Variants in BLNK observed in about 807,000 individuals in gnomAD.
BLNK encodes B-cell linker protein.
In BLNK, 29 loss-of-function variants were observed where a neutral mutation model predicts 73.5. The ratio of observed to expected loss-of-function variants is 0.39; its 90% CI spans 0.29 to 0.54. The LOEUF (loss-of-function observed/expected upper bound fraction) is 0.54. Ranked by LOEUF, BLNK falls within the 20% of genes least tolerant of loss-of-function variation. BLNK has a pLI of 0.61. For synonymous variants in BLNK, 176 were observed against 200.8 expected, an observed-to-expected ratio of 0.88 and a Z score of 1.04; for missense variants, 460 against 562.8, an observed-to-expected ratio of 0.82 and a Z score of 1.85.
At chr10:96,226,654 A>G in intron 5 of BLNK, among the ~76,000 whole-genome samples, 1 of 152,124 alleles carries the variant, frequency 6.6e-6, no homozygotes, top group Non-Finnish European at 1.5e-5. Flanking sequence ...CAGCCTGGCC[A>G]ACATGAGGAA....
intron 16 of BLNK, 83 bp from the exon 17 acceptor site, chr10:96,192,175 C>T: frequency 2.5e-6 from 4 of 1,571,172 alleles, no homozygotes; most frequent in Non-Finnish European, 3.5e-6. Context: ...CTCTCATTCT[C>T]AAGTTAGTAA....
At chr10:96,194,834 G>C (rs1158614629) in intron 16 of BLNK, among the ~76,000 whole-genome samples, 1 of 139,488 alleles carries the variant, frequency 7.2e-6, no homozygotes, top group Admixed American at 7.8e-5. Context: ...GCAGTGGCGC[G>C]ATCTCGACTC....
chr10:96,210,976 C>T (rs1305775752), intron 8 of BLNK, among the ~76,000 whole-genome samples: 7 of 148,250 alleles, frequency 4.7e-5, no homozygotes, highest in African/African-American at 1.8e-4. Context: ...CTCAAGTGAT[C>T]CTCCCCACTA....
intron 13 of BLNK, chr10:96,203,655 T>C (rs781928870): frequency 6.4e-6 from 1 of 155,844 alleles, no homozygotes; most frequent in South Asian, 2.0e-4. Flanking sequence ...TATTTTGTGA[T>C]CTTTAAAATA....
intron 1 of BLNK, among the ~76,000 whole-genome samples, chr10:96,250,824 A>G (rs1843252957): frequency 1.3e-5 from 2 of 152,256 alleles, no homozygotes; most frequent in African/African-American, 4.8e-5. Context: ...TTATAACAAT[A>G]ACAATTATAC....
intron 9 of BLNK, among the ~76,000 whole-genome samples, chr10:96,208,747 T>C (rs1199517019): frequency 6.6e-6 from 1 of 152,244 alleles, no homozygotes; most frequent in Non-Finnish European, 1.5e-5. Context: ...TAAGAATTCC[T>C]GAGCACCTGT....
At chr10:96,207,177 A>G (rs1408727355) in intron 10 of BLNK, 124 bp from the exon 11 acceptor site, 1 of 871,684 alleles carries the variant, frequency 1.1e-6, no homozygotes. Context: ...TATTCTTTCA[A>G]TCACAACAAC....
At chr10:96,222,255 A>G (rs1209112481) in intron 6 of BLNK, among the ~76,000 whole-genome samples, 1 of 152,172 alleles carries the variant, frequency 6.6e-6, no homozygotes, top group African/African-American at 2.4e-5. Context: ...TGCTGCATCT[A>G]TTTTTATTTA....
At chr10:96,217,894 T>C (rs1287759049) in intron 6 of BLNK, among the ~76,000 whole-genome samples, 1 of 152,214 alleles carries the variant, frequency 6.6e-6, no homozygotes, top group Non-Finnish European at 1.5e-5. Flanking sequence ...TAAAGACTCA[T>C]ATCTGTGTTT....
chr10:96,247,455 T>C (rs1843092944), intron 1 of BLNK, among the ~76,000 whole-genome samples: 1 of 152,220 alleles, frequency 6.6e-6, no homozygotes, highest in Admixed American at 6.5e-5. Flanking sequence ...AAAACTTCCA[T>C]TTAAAAGTTA....
chr10:96,243,228 A>G (rs1473765488), intron 2 of BLNK, among the ~76,000 whole-genome samples: 1 of 152,230 alleles, frequency 6.6e-6, no homozygotes, highest in Admixed American at 6.5e-5. Context: ...AGGTTGGGCT[A>G]AAATTATGTT....
In BLNK at chr10:96,208,376, C is replaced by T. The variant is rs1366572734; in HGVS notation, c.747-477G>A. 4.6e-5 allele frequency among the ~76,000 whole-genome samples: 7 copies of T among 152,278 alleles called. No individual in the cohort carries two copies. In the East Asian group the frequency reaches 1.2e-3, roughly 25 times the overall value. On this transcript the variant is annotated intron_variant, in intron 9 of 16. Transcript: ENST00000224337. Reference sequence around the variant, plus strand: ...AGGTGAGGTTGCAGCTGCACTTGCCCACTCCAGCTTCCTCCCTGTCTCTAG... The same window carrying T: ...AGGTGAGGTTGCAGCTGCACTTGCCTACTCCAGCTTCCTCCCTGTCTCTAG...
chr10:96,233,911 G>A (rs1554904594), intron 3 of BLNK, among the ~76,000 whole-genome samples: 1 of 152,234 alleles, frequency 6.6e-6, no homozygotes, highest in Non-Finnish European at 1.5e-5. Context: ...CATTAGGATA[G>A]CAACAATAGA....
chr10:96,210,089 C>T (rs1279900043), intron 8 of BLNK, 182 bp from the exon 9 acceptor site: 2 of 684,518 alleles, frequency 2.9e-6, no homozygotes, highest in Non-Finnish European at 5.3e-6. Context: ...GGTGATGACA[C>T]ATTTTAAAAG....
intron 3 of BLNK, chr10:96,239,281 T>G: frequency 2.5e-6 from 1 of 397,178 alleles, no homozygotes; most frequent in East Asian, 3.6e-5. Context: ...GCCCCAGAGA[T>G]CTGTGTTTCT....
chr10:96,236,448 A>G (rs1301666387), intron 3 of BLNK, among the ~76,000 whole-genome samples: 1 of 152,172 alleles, frequency 6.6e-6, no homozygotes, highest in East Asian at 1.9e-4. Flanking sequence ...AAGAGGAGAA[A>G]GGGACATGAT....
At position 96,190,323 on chromosome 10, in the gene BLNK, T is replaced by C. The variant is rs1332000519; in HGVS notation, c.*1650A>G. ...GATGGAATCACGCCAGTAGTATTGT[T>C]CCTGTGTGTCTCTTCATATAGTCTT... On this transcript the variant is annotated 3_prime_UTR_variant, in exon 17 of 17. Coordinates refer to ENST00000224337, the MANE Select transcript of BLNK (RefSeq NM_013314.4). 8 of 580,158 alleles carry C rather than the reference T, an allele frequency of 1.4e-5. No homozygotes were observed. Among genetic ancestry groups the C allele is most frequent in the Non-Finnish European group, 2.5e-5 (8 of 319,438 alleles). 35.9% of individuals were successfully genotyped at this position (580,158 alleles called of 1,614,324 possible).
chr10:96,253,302 C>T lies in BLNK; in HGVS notation c.48-6253G>A, dbSNP rs75302206. Reference sequence around the variant, plus strand: ...TAGCTGAAACTCTGATCCAAGTAGGCGTGACAAGAAGCAGTGAATCAGGAC... The same window carrying T: ...TAGCTGAAACTCTGATCCAAGTAGGTGTGACAAGAAGCAGTGAATCAGGAC... On this transcript the variant is annotated intron_variant, in intron 1 of 16. Coordinates refer to ENST00000224337, the MANE Select transcript of BLNK (RefSeq NM_013314.4). Among the ~76,000 whole-genome samples the T allele has an allele frequency of 7.7e-3, 1,165 of 152,228 alleles. 16 individuals are homozygous for T. Among genetic ancestry groups the T allele is most frequent in the African/African-American group, 0.027 (1,118 of 41,528 alleles).
rs377149860 is a variant in BLNK, at chr10:96,242,679, A to G, written c.163+56T>C. On this transcript the variant is annotated intron_variant, in intron 3 of 16. Coordinates refer to ENST00000224337, the MANE Select transcript of BLNK (RefSeq NM_013314.4). ...TTTCCCTTTCCATAAGCCTAAATGTAAATATGAACATTAAATTAGTCAAGA... is the reference window on the plus strand; with the variant it reads ...TTTCCCTTTCCATAAGCCTAAATGTGAATATGAACATTAAATTAGTCAAGA... 1,841 of 1,485,296 alleles carry G rather than the reference A, an allele frequency of 1.2e-3. 13 individuals are homozygous for G. Among genetic ancestry groups the G allele is most frequent in the Middle Eastern group, 0.012 (67 of 5,802 alleles). The allele number at this position is 1,485,296 out of a possible 1,614,324, so 92.0% of individuals were successfully genotyped here.
Sources: gnomAD v4.1 joint callset for allele counts (sites outside exome capture counted in the v4.1 genomes callset) on GRCh38, gnomAD v4.1.1 for gene constraint, MANE v1.5 for transcripts, NCBI Gene and HGNC (gene_info 2026-07-23, HGNC 2026-07-21) for gene names.